The following ADAD1 variants were observed in gnomAD, a reference collection of about 807,000 sequenced individuals.
ADAD1 encodes adenosine deaminase domain containing 1.
Under a neutral mutation model 66.8 loss-of-function variants are expected in ADAD1, and 46 were observed. The ratio of observed to expected loss-of-function variants is 0.69; its 90% CI spans 0.54 to 0.88. ADAD1 has a LOEUF of 0.88. Among genes scored for constraint, ADAD1 ranks in the 40% least tolerant of loss-of-function variants. The pLI is 0.00. For synonymous variants in ADAD1, 248 were observed against 229.4 expected, an observed-to-expected ratio of 1.08 and a Z score of -0.73; for missense variants, 617 against 681.8, an observed-to-expected ratio of 0.91 and a Z score of 1.06.
chr4:122,383,503 C>T (rs2150529089), intron 4 of ADAD1, among the ~76,000 whole-genome samples: 2 of 152,260 alleles, frequency 1.3e-5, no homozygotes, highest in East Asian at 3.9e-4. Flanking sequence ...TTACCATTGC[C>T]AGGCATTATA....
chr4:122,412,032 A>G (rs1178221509), intron 9 of ADAD1, among the ~76,000 whole-genome samples: 1 of 152,202 alleles, frequency 6.6e-6, no homozygotes, highest in Non-Finnish European at 1.5e-5. Flanking sequence ...TTTAAACAGT[A>G]CAAACAAGAA....
In ADAD1 at chr4:122,427,824, C is replaced by A. The variant is rs71606256; in HGVS notation, c.1618-1802C>A. Among the ~76,000 whole-genome samples, 419 of 151,878 alleles carry A rather than the reference C, an allele frequency of 2.8e-3. 2 individuals carry two copies. Among genetic ancestry groups the A allele is most frequent in the Non-Finnish European group, 4.6e-3 (314 of 67,962 alleles). On this transcript the variant is annotated intron_variant, in intron 12 of 12. Coordinates refer to ENST00000296513, the MANE Select transcript of ADAD1 (RefSeq NM_139243.4). ...TACAGGTGTAAGCCACCACACCCAG[C>A]GCAATCCAAAGGCCATTTAAGAACC... is the stretch of plus-strand genomic sequence containing the variant.
intron 6 of ADAD1, among the ~76,000 whole-genome samples, chr4:122,395,995 A>G (rs1488764749): frequency 6.6e-6 from 1 of 152,190 alleles, no homozygotes; most frequent in Admixed American, 6.5e-5. Context: ...CATCAGAGAA[A>G]CTCTACAGAT....
intron 12 of ADAD1, 88 bp downstream of exon 12, chr4:122,421,478 T>C: frequency 8.2e-7 from 1 of 1,214,440 alleles, no homozygotes; most frequent in East Asian, 2.9e-5. Context: ...TTAGCAAAAG[T>C]TTGTTGAATA....
chr4:122,411,124 A>C (rs1208240479), intron 8 of ADAD1, 98 bp from the exon 9 acceptor site: 1 of 947,668 alleles, frequency 1.1e-6, no homozygotes, highest in South Asian at 2.0e-5. Flanking sequence ...AACTTTTAAC[A>C]TGCAGGACAT....
rs1383749447 is a variant in ADAD1 at position 122,380,078 on chromosome 4, C to A, written c.9C>A (p.Ser3Arg). 1 of 1,611,696 alleles carries A rather than the reference C, an allele frequency of 6.2e-7. No homozygotes were observed. The highest frequency in any genetic ancestry group is 8.5e-7 in the Non-Finnish European group (1 of 1,179,216). Residue 3 changes from serine (S) to arginine (R), a missense_variant, in exon 3 of 13, where the codon AGC becomes AGA. Physicochemically the swap from Ser to Arg is moderately radical, Grantham distance 110. Coordinates refer to ENST00000296513, the MANE Select transcript of ADAD1 (RefSeq NM_139243.4). MA[S>R]NNHWFQSSQV... is the part of the protein sequence containing the mutation. ...GACCTCTAGGTGAGAAAATGGCTAG[C>A]AACAATCATTGGTTTCAGAGTTCGC...
In ADAD1 at chr4:122,411,281, C is replaced by A. The variant is rs1298693897; in HGVS notation, c.908C>A (p.Ser303Ter). 1.2e-6 allele frequency: 2 copies of A among 1,611,620 alleles called. No individual in the cohort carries two copies. Among genetic ancestry groups the A allele is most frequent in the South Asian group, 1.1e-5 (1 of 90,220 alleles). ...AAAAATCCTGCTATGATGGAAAAAT[C>A]AATATTTTGTACAGAACCAACTTCT... ...YSKNPAMMEK[S>*]IFCTEPTSNL... is the part of the protein sequence containing the mutation. Residue 303 changes from serine to a stop codon, truncating the protein, a stop_gained, in exon 9 of 13, where the codon TCA becomes TAA. Transcript: ENST00000296513. LOFTEE classifies it high-confidence loss of function.
At chr4:122,382,097 G>A (rs1794925287) in intron 4 of ADAD1, among the ~76,000 whole-genome samples, 1 of 152,172 alleles carries the variant, frequency 6.6e-6, no homozygotes. Context: ...GTAGAAGGTG[G>A]ACTTAATTTC....
chr4:122,380,060 A>G lies in ADAD1; in HGVS notation c.-8-2A>G. 1 of 1,609,234 alleles carries G rather than the reference A, an allele frequency of 6.2e-7. No homozygotes were observed. Among genetic ancestry groups the G allele is most frequent in the Non-Finnish European group, 8.5e-7 (1 of 1,178,230 alleles). ...TTCTGCCAATTTTATCGTGACCTCT[A>G]GGTGAGAAAATGGCTAGCAACAATC... is the stretch of plus-strand genomic sequence containing the variant. On this transcript the variant is annotated splice_acceptor_variant, in intron 2 of 12. Transcript: ENST00000296513. LOFTEE classifies it low-confidence loss of function (5UTR_SPLICE).
intron 10 of ADAD1, among the ~76,000 whole-genome samples, chr4:122,413,372 C>T (rs1163926510): frequency 6.6e-6 from 1 of 152,004 alleles, no homozygotes; most frequent in Non-Finnish European, 1.5e-5. Flanking sequence ...GGGATCTAGG[C>T]TTGCATTAAA....
intron 7 of ADAD1, among the ~76,000 whole-genome samples, chr4:122,404,436 C>G (rs1443996982): frequency 1.3e-5 from 2 of 152,106 alleles, no homozygotes; most frequent in African/African-American, 4.8e-5. Context: ...AAAGTTAAAT[C>G]CTTCTCCTGT....
chr4:122,403,200 C>T (rs1330130426), intron 7 of ADAD1, among the ~76,000 whole-genome samples: 1 of 152,078 alleles, frequency 6.6e-6, no homozygotes, highest in Non-Finnish European at 1.5e-5. Context: ...ATGTGGTGCT[C>T]TCCCCCTTCC....
chr4:122,429,661 G>A lies in ADAD1; in HGVS notation c.1653G>A (p.Lys551=), dbSNP rs756215310. 3.1e-6 allele frequency: 5 copies of A among 1,613,356 alleles called. No individual in the cohort carries two copies. In the African/African-American group the frequency reaches 5.3e-5, roughly 17 times the overall value. Residue 551 remains lysine (K), a synonymous_variant, in exon 13 of 13, where the codon AAG becomes AAA. Coordinates refer to ENST00000296513, the MANE Select transcript of ADAD1 (RefSeq NM_139243.4). ...MSASYQEAKC[K]LKSYLQQHGY... ...CCTCCTATCAAGAAGCTAAATGTAAGTTGAAATCCTACTTACAACAACATG... is the reference window on the plus strand; with the variant it reads ...CCTCCTATCAAGAAGCTAAATGTAAATTGAAATCCTACTTACAACAACATG...
intron 5 of ADAD1, among the ~76,000 whole-genome samples, chr4:122,388,812 A>T (rs1467812226): frequency 1.3e-5 from 2 of 152,148 alleles, no homozygotes; most frequent in Non-Finnish European, 2.9e-5. Context: ...TTCAAAGAAA[A>T]AAAACAGCTT....
At chr4:122,395,500 G>C (rs1243759350) in intron 6 of ADAD1, among the ~76,000 whole-genome samples, 2 of 151,764 alleles carry the variant, frequency 1.3e-5, no homozygotes, top group African/African-American at 4.8e-5. Flanking sequence ...GGCCAATATG[G>C]TGAAACCCTG....
At chr4:122,402,463 C>G (rs12645848) in intron 7 of ADAD1, among the ~76,000 whole-genome samples, 3,544 of 152,204 alleles carry the variant, frequency 0.023, 88 homozygotes, top group East Asian at 0.1. Flanking sequence ...AGCCTGATGA[C>G]TTTGTGCCTG....
Position 122,429,779 on chromosome 4 carries a change from T to C in ADAD1, c.*40T>C, listed in dbSNP as rs1450230426. The C allele has an allele frequency of 3.6e-5, 51 of 1,406,074 alleles. No individual in the cohort carries two copies. The highest frequency in any genetic ancestry group is 5.0e-5 in the Non-Finnish European group (50 of 1,006,068). The allele number at this position is 1,406,074 out of a possible 1,614,324, so 87.1% of individuals were successfully genotyped here. On this transcript the variant is annotated 3_prime_UTR_variant, in exon 13 of 13. Coordinates refer to ENST00000296513, the MANE Select transcript of ADAD1 (RefSeq NM_139243.4). Reference sequence around the variant, plus strand: ...TATCACATTAAAAATCTTGTTTTGTTTGGTGTGTTTTGACTAGTAAAAATG... The same window carrying C: ...TATCACATTAAAAATCTTGTTTTGTCTGGTGTGTTTTGACTAGTAAAAATG...
chr4:122,386,299 T>C (rs1795168171), intron 5 of ADAD1, among the ~76,000 whole-genome samples: 1 of 152,186 alleles, frequency 6.6e-6, no homozygotes, highest in African/African-American at 2.4e-5. Flanking sequence ...ATCAGTGATA[T>C]TGAGCTTGCT....
At chr4:122,388,708 G>A (rs952122688) in intron 5 of ADAD1, among the ~76,000 whole-genome samples, 2 of 152,054 alleles carry the variant, frequency 1.3e-5, no homozygotes, top group Admixed American at 1.3e-4. Flanking sequence ...TGGGGTCAGT[G>A]GTGATATCCC....
Sources: gnomAD v4.1 joint callset for allele counts (sites outside exome capture counted in the v4.1 genomes callset) on GRCh38, gnomAD v4.1.1 for gene constraint, MANE v1.5 for transcripts, NCBI Gene and HGNC (gene_info 2026-07-23, HGNC 2026-07-21) for gene names.